Variants in EDEM3 observed in about 807,000 individuals in gnomAD.
EDEM3 encodes the protein ER degradation-enhancing alpha-mannosidase-like protein 3.
Under a neutral mutation model 110.2 loss-of-function variants are expected in EDEM3, and 60 were observed. That is an observed-to-expected ratio of 0.54 (90% CI 0.44 to 0.67). The LOEUF (loss-of-function observed/expected upper bound fraction) is 0.67. EDEM3 is among the 30% of genes least tolerant of loss of function. The pLI is 0.00. For missense variants in EDEM3, 996 were observed against 1,121.0 expected, an observed-to-expected ratio of 0.89 and a Z score of 1.59; for synonymous variants, 352 against 382.9, an observed-to-expected ratio of 0.92 and a Z score of 0.94.
intron 19 of EDEM3, 91 bp downstream of exon 19, chr1:184,702,720 C>T: frequency 8.9e-7 from 1 of 1,124,476 alleles, no homozygotes; most frequent in South Asian, 2.7e-5. Flanking sequence ...AGTGAACCCC[C>T]CAAAACAATT....
In EDEM3 at chr1:184,694,371, C is replaced by G. The variant is rs559558778; in HGVS notation, c.2491G>C (p.Asp831His). Reference sequence around the variant, plus strand: ...GAATTTTCCTCAGAAGACTCTTGATCAACCAAATCAACCTCCTGAGAACTT... The same window carrying G: ...GAATTTTCCTCAGAAGACTCTTGATGAACCAAATCAACCTCCTGAGAACTT... ...SSSSQEVDLV[D>H]QESSEENSLN... The change falls in exon 20 of 20, where the codon GAT (aspartate) becomes CAT (histidine). Residue 831 changes from aspartate to histidine, a missense_variant. Physicochemically the swap from Asp to His is moderately conservative, Grantham distance 81 (BLOSUM62 -1). Transcript: ENST00000318130. The G allele has an allele frequency of 2.4e-5, 38 of 1,612,456 alleles. No individual in the cohort carries two copies. The South Asian group carries it at 3.8e-4, about 16-fold the overall frequency.
Position 184,693,848 on chromosome 1 carries a change from G to A in EDEM3, c.*215C>T, listed in dbSNP as rs1052115682. 1.2e-5 allele frequency: 6 copies of A among 513,494 alleles called. No individual in the cohort carries two copies. Among genetic ancestry groups the A allele is most frequent in the Non-Finnish European group, 2.1e-5 (6 of 292,310 alleles). The allele number at this position is 513,494 out of a possible 1,614,324, so 31.8% of individuals were successfully genotyped here. A position where few individuals can be genotyped will look rare whatever the true frequency, so the allele number is the denominator to read the frequency against. On this transcript the variant is annotated 3_prime_UTR_variant, in exon 20 of 20. Coordinates refer to ENST00000318130, the MANE Select transcript of EDEM3 (RefSeq NM_025191.4). ...CAGTGCTGCATTTGAAGGGGGAACTGTGGATTTCCATTTTTGATGGGACAG... is the reference window on the plus strand; with the variant it reads ...CAGTGCTGCATTTGAAGGGGGAACTATGGATTTCCATTTTTGATGGGACAG...
chr1:184,708,035 T>G, intron 17 of EDEM3, 118 bp downstream of exon 17: 1 of 922,766 alleles, frequency 1.1e-6, no homozygotes, highest in Non-Finnish European at 1.5e-6. Flanking sequence ...TCCAGGAGAT[T>G]GACTATTTCA....
chr1:184,754,699 T>C lies in EDEM3; in HGVS notation c.-53A>G, dbSNP rs1653001015. 4 of 1,477,166 alleles carry C rather than the reference T, an allele frequency of 2.7e-6. No individual in the cohort carries two copies. Among genetic ancestry groups the C allele is most frequent in the Non-Finnish European group, 2.7e-6 (3 of 1,117,166 alleles). 91.5% of individuals were successfully genotyped at this position (1,477,166 alleles called of 1,614,324 possible). On this transcript the variant is annotated 5_prime_UTR_variant, in exon 1 of 20. The change abolishes an upstream ATG in the 5' untranslated region. Coordinates refer to ENST00000318130, the MANE Select transcript of EDEM3 (RefSeq NM_025191.4). The stretch of plus-strand genomic sequence containing the variant: ...TGCTACGCCCGGCCGGTGAGACACA[T>C]TGCTGGACGCTGGTGGCCAGGGGGC...
At chr1:184,740,809 A>G (rs1157985407) in intron 2 of EDEM3, among the ~76,000 whole-genome samples, 1 of 152,244 alleles carries the variant, frequency 6.6e-6, no homozygotes, top group African/African-American at 2.4e-5. Flanking sequence ...ACAGAAACTT[A>G]ATAAAGGCCA....
intron 19 of EDEM3, among the ~76,000 whole-genome samples, chr1:184,697,715 A>C (rs1004895021): frequency 6.6e-6 from 1 of 151,866 alleles, no homozygotes; most frequent in African/African-American, 2.4e-5. Flanking sequence ...AATGTAAAAA[A>C]TGGTAAAAAT....
chr1:184,721,897 A>G (rs1045059845), intron 8 of EDEM3, among the ~76,000 whole-genome samples: 3 of 151,956 alleles, frequency 2.0e-5, no homozygotes, highest in African/African-American at 7.2e-5. Context: ...AACTGAACCA[A>G]CTCTAGACAA....
At position 184,737,625 on chromosome 1, in the gene EDEM3, A is replaced by C. The variant is rs1358277218; in HGVS notation, c.291T>G (p.Asp97Glu). ...RGQEPSRGDV[D>E]DALGKFSLTL... ...TTAATACTCACTTTCCCAAGGCATC[A>C]TCAACGTCACCGCGACTTGGCTCTT... Residue 97 changes from aspartate to glutamate, a missense_variant, in exon 3 of 20, where the codon GAT (aspartate) becomes GAG (glutamate). Around this residue, in one of 5 missense-constraint regions of EDEM3, gnomAD observed 200 missense variants for 183.8 expected, o/e 1.09. Transcript: ENST00000318130. The C allele has an allele frequency of 1.9e-6, 3 of 1,614,016 alleles. No homozygotes were observed. The Admixed American group carries it at 5.0e-5, about 27-fold the overall frequency.
At chr1:184,704,313 CA>C (rs1316248689) in intron 18 of EDEM3, among the ~76,000 whole-genome samples, 1 of 151,910 alleles carries the variant, frequency 6.6e-6, no homozygotes, top group Non-Finnish European at 1.5e-5. Context: ...TTGTCAGAAA[CA>C]AAAAACTCAG....
chr1:184,707,743 C>T (rs1293987058), intron 17 of EDEM3, among the ~76,000 whole-genome samples: 1 of 152,144 alleles, frequency 6.6e-6, no homozygotes, highest in Non-Finnish European at 1.5e-5. Flanking sequence ...CCCAGTGGAA[C>T]CTCAGGGTCC....
chr1:184,744,366 T>C (rs1040693982), intron 2 of EDEM3, among the ~76,000 whole-genome samples: 1 of 146,566 alleles, frequency 6.8e-6, no homozygotes, highest in African/African-American at 2.5e-5. Context: ...AAAATCACAA[T>C]GAACTACCAC....
intron 18 of EDEM3, among the ~76,000 whole-genome samples, chr1:184,705,859 T>C (rs1649895173): frequency 6.6e-6 from 1 of 152,078 alleles, no homozygotes; most frequent in South Asian, 2.1e-4. Context: ...TCATGGCCTG[T>C]TTATCATGAT....
rs1651870572 is a variant in EDEM3, at chr1:184,737,103, T to A, written c.306-39A>T. ...GTTAACAAGATATAAAACATTAGAA[T>A]CCTAAATAGTTTATGAATGTACAAG... is the stretch of plus-strand genomic sequence containing the variant. On this transcript the variant is annotated intron_variant, in intron 3 of 19. Transcript: ENST00000318130. 4 of 1,537,556 alleles carry A rather than the reference T, an allele frequency of 2.6e-6. No individual in the cohort carries two copies. The South Asian group carries it at 4.5e-5, about 17-fold the overall frequency.
intron 1 of EDEM3, among the ~76,000 whole-genome samples, chr1:184,750,442 A>C (rs1652693499): frequency 6.6e-6 from 1 of 152,206 alleles, no homozygotes; most frequent in African/African-American, 2.4e-5. Context: ...AAAAAGTACA[A>C]GTTAATTGTA....
At chr1:184,732,737 G>A in intron 6 of EDEM3, 100 bp downstream of exon 6, 1 of 1,185,330 alleles carries the variant, frequency 8.4e-7, no homozygotes, top group Non-Finnish European at 1.1e-6. Context: ...TTTTTTTTCA[G>A]CCTCAAGCTG....
chr1:184,744,287 T>G lies in EDEM3; in HGVS notation c.204+5260A>C, dbSNP rs947237590. Among the ~76,000 whole-genome samples the G allele has an allele frequency of 8.2e-3, 885 of 107,714 alleles. 16 individuals carry two copies. The highest frequency in any genetic ancestry group is 9.9e-3 in the Non-Finnish European group (508 of 51,554). 70.7% of individuals were successfully genotyped at this position (107,714 alleles called of 152,430 possible). A position where few individuals can be genotyped will look rare whatever the true frequency, so the allele number is the denominator to read the frequency against. On this transcript the variant is annotated intron_variant, in intron 2 of 19. Transcript: ENST00000318130. ...ATATATATATATATATATATATATA[T>G]ATATATGAATAGCAAATAAGCATAT...
intron 15 of EDEM3, among the ~76,000 whole-genome samples, 168 bp downstream of exon 15, chr1:184,711,555 C>T (rs560438809): frequency 2.4e-4 from 37 of 152,228 alleles, no homozygotes; most frequent in Non-Finnish European, 4.0e-4. Flanking sequence ...ATAAGCTTTA[C>T]TATCTAACTT....
chr1:184,699,903 C>T (rs1229366097), intron 19 of EDEM3, among the ~76,000 whole-genome samples: 1 of 151,796 alleles, frequency 6.6e-6, no homozygotes, highest in African/African-American at 2.4e-5. Context: ...AGGAAATTTA[C>T]TCTTAATTGT....
chr1:184,732,966 C>T lies in EDEM3; in HGVS notation c.483G>A (p.Leu161=). 6.2e-7 allele frequency: 1 copy of T among 1,613,612 alleles called. No individual in the cohort carries two copies. Among genetic ancestry groups the T allele is most frequent in the South Asian group, 1.1e-5 (1 of 91,016 alleles). ...CACCTTTTTCTTTCAGCATGATTGC[C>T]AGGGAGTGCCCACCCAAAAGACCCC... ...VLGGLLGGHS[L]AIMLKEKGEY... The change falls in exon 6 of 20, where the codon CTG becomes CTA. Residue 161 remains leucine (L), a synonymous_variant. Transcript: ENST00000318130.
Sources: allele counts gnomAD v4.1 joint callset (sites outside exome capture counted in the v4.1 genomes callset), GRCh38; gene constraint gnomAD v4.1.1; regional missense constraint gnomAD v4.1.1; transcripts MANE v1.5; gene names NCBI Gene and HGNC (gene_info 2026-07-23, HGNC 2026-07-21).